The following PCDHGB4 variants were observed in gnomAD, a reference collection of about 807,000 sequenced individuals.
PCDHGB4 encodes the protein protocadherin gamma subfamily B, 4, also known as protocadherin gamma-B4.
In PCDHGB4, 38 loss-of-function variants were observed where a neutral mutation model predicts 60.5. That is an observed-to-expected ratio of 0.63 (90% CI 0.48 to 0.82). The LOEUF is 0.82. PCDHGB4 is among the 40% of genes least tolerant of loss of function. The probability of loss-of-function intolerance (pLI) is 0.00; values close to 1 mark genes in which losing one functional copy is unlikely to be tolerated. For synonymous variants in PCDHGB4, 456 were observed against 509.7 expected (o/e 0.89, Z 1.42); for missense variants, 1,109 against 1,209.6 (o/e 0.92, Z 1.23).
At chr5:141,427,422 G>C (rs922637577) in intron 1 of PCDHGB4, 1 of 468,292 alleles carries the variant, frequency 2.1e-6, no homozygotes, top group Non-Finnish European at 4.3e-6. Context: ...AAATGGGGAG[G>C]TTACATGCCT....
At chr5:141,414,239 C>T in intron 1 of PCDHGB4, 1 of 1,613,498 alleles carries the variant, frequency 6.2e-7, no homozygotes, top group Non-Finnish European at 8.5e-7. Context: ...ACCATCACGT[C>T]TCTATTTAGT....
rs1354510383 is a variant in PCDHGB4, at chr5:141,432,312, G to A, written c.2397+42031G>A. The A allele has an allele frequency of 5.6e-6, 9 of 1,614,132 alleles. No homozygotes were observed. The highest frequency in any genetic ancestry group is 7.6e-6 in the Non-Finnish European group (9 of 1,180,054). On this transcript the variant is annotated intron_variant, in intron 1 of 3. Transcript: ENST00000519479. The surrounding 1 kb of genome is among the most constrained non-coding windows in gnomAD (Gnocchi z 6.0). Reference sequence around the variant, plus strand: ...GACACTGGGGTACTGTATGCGCTGAGCTCCTTCGACTACGAGCAGTTCCGA... The same window carrying A: ...GACACTGGGGTACTGTATGCGCTGAACTCCTTCGACTACGAGCAGTTCCGA...
chr5:141,415,686 G>T, intron 1 of PCDHGB4: 2 of 1,535,424 alleles, frequency 1.3e-6, no homozygotes, highest in Middle Eastern at 1.7e-4. Flanking sequence ...GCGGCATGAT[G>T]GTGGAAAGTG....
chr5:141,423,562 A>C (rs374427537), intron 1 of PCDHGB4: 1 of 1,613,612 alleles, frequency 6.2e-7, no homozygotes, highest in African/African-American at 1.3e-5. Context: ...CTATGGGGAC[A>C]CGCTCATCAG....
intron 1 of PCDHGB4, chr5:141,479,691 C>T (rs2099503603): frequency 6.6e-6 from 1 of 152,206 alleles, no homozygotes; most frequent in Non-Finnish European, 1.5e-5. Context: ...TTTGGTGCCT[C>T]CAGTGTTAGT....
At chr5:141,498,581 C>A (rs1281809549) in intron 2 of PCDHGB4, among the ~76,000 whole-genome samples, 1 of 152,104 alleles carries the variant, frequency 6.6e-6, no homozygotes, top group East Asian at 1.9e-4. Flanking sequence ...GTATTGAGTT[C>A]TTCAGTAAAC....
At position 141,455,301 on chromosome 5, in the gene PCDHGB4, T is replaced by G. The variant is rs192443408; in HGVS notation, c.2398-39506T>G. Among the ~76,000 whole-genome samples, 191 of 152,308 alleles carry G rather than the reference T, an allele frequency of 1.3e-3. 1 individual carries two copies. Among genetic ancestry groups the G allele is most frequent in the African/African-American group, 4.4e-3 (181 of 41,566 alleles). On this transcript the variant is annotated intron_variant, in intron 1 of 3. Transcript: ENST00000519479. ...AACATCACTTTACATAGTTTCATCT[T>G]GCATTAGCAATTTTGTGTGTGTGTT...
Position 141,489,368 on chromosome 5 carries a change from C to T in PCDHGB4, c.2398-5439C>T, listed in dbSNP as rs889945954. The T allele has an allele frequency of 1.2e-5, 20 of 1,613,264 alleles. No homozygotes were observed. The highest frequency in any genetic ancestry group is 1.6e-5 in the Non-Finnish European group (19 of 1,179,484). On this transcript the variant is annotated intron_variant, in intron 1 of 3. Transcript: ENST00000519479. The surrounding 1 kb of genome is among the most constrained non-coding windows in gnomAD (Gnocchi z 4.5). The stretch of plus-strand genomic sequence containing the variant: ...GTGGTGGAGGAGTCTGAGCCGGGGA[C>T]GCTGGTGGGGAATGTTGCTCAGGAT...
At chr5:141,455,920 C>A (rs941360102) in intron 1 of PCDHGB4, among the ~76,000 whole-genome samples, 1 of 147,944 alleles carries the variant, frequency 6.8e-6, no homozygotes, top group Non-Finnish European at 1.5e-5. Flanking sequence ...TATTTTGAGA[C>A]GGAGTCTCGC....
In PCDHGB4 at chr5:141,389,006, C is replaced by T. The variant is rs1238735616; in HGVS notation, c.1122C>T (p.Ser374=). The change falls in exon 1 of 4, where the codon TCC becomes TCT. Residue 374 remains serine, a synonymous_variant. Coordinates refer to ENST00000519479, the MANE Select transcript of PCDHGB4 (RefSeq NM_003736.4). The part of the protein sequence containing the change: ...IALLKVRDKD[S]RHNGEVTCKL... ...TGCTCAAAGTCCGTGACAAGGATTC[C>T]AGACACAATGGAGAAGTGACTTGTA... 2 of 1,613,868 alleles carry T rather than the reference C, an allele frequency of 1.2e-6. No homozygotes were observed.
Position 141,489,992 on chromosome 5 carries a change from TC to T in PCDHGB4, c.2398-4812del. The T allele has an allele frequency of 6.2e-7, 1 of 1,614,216 alleles. No individual in the cohort carries two copies. The highest frequency in any genetic ancestry group is 8.5e-7 in the Non-Finnish European group (1 of 1,180,016). On this transcript the variant is annotated intron_variant, in intron 1 of 3. Coordinates refer to ENST00000519479, the MANE Select transcript of PCDHGB4 (RefSeq NM_003736.4). The surrounding 1 kb of genome is among the most constrained non-coding windows in gnomAD (Gnocchi z 4.5). The stretch of plus-strand genomic sequence containing the variant: ...CAATCCTCAGTTCTACGTGTGGGAA[TC>T]CCAGAGAATGCACCCATTGGTACTC...
chr5:141,475,984 G>A, intron 1 of PCDHGB4: 2 of 1,069,308 alleles, frequency 1.9e-6, no homozygotes, highest in Non-Finnish European at 2.7e-6. Flanking sequence ...AACAGCCGGC[G>A]AGCAAATCAA....
At chr5:141,488,913 A>G (rs887938731) in intron 1 of PCDHGB4, among the ~76,000 whole-genome samples, 4 of 152,196 alleles carry the variant, frequency 2.6e-5, no homozygotes, top group African/African-American at 7.2e-5. Flanking sequence ...TGTGTTCCCA[A>G]GGTTTCCAGG....
intron 1 of PCDHGB4, among the ~76,000 whole-genome samples, chr5:141,401,837 A>G (rs1302723544): frequency 6.6e-6 from 1 of 152,198 alleles, no homozygotes; most frequent in Non-Finnish European, 1.5e-5. Context: ...ATTTCTTATA[A>G]TACCACTTAC....
intron 1 of PCDHGB4, among the ~76,000 whole-genome samples, chr5:141,483,007 C>T (rs938404755): frequency 1.3e-5 from 2 of 152,022 alleles, no homozygotes; most frequent in Non-Finnish European, 2.9e-5. Flanking sequence ...ATTGCTTGAA[C>T]CCGGGAGGCA....
In PCDHGB4 at chr5:141,486,157, A is replaced by C. The variant is rs1562110580; in HGVS notation, c.2398-8650A>C. On this transcript the variant is annotated intron_variant, in intron 1 of 3. Transcript: ENST00000519479. This position sits in a 1 kb window ranked among gnomAD's most constrained non-coding sequence, Gnocchi z 5.0. ...TGCGGGCTCGCGATGGGGGTTCTCC[A>C]GCCATGGAGCAACATTGCAGCCTTC... 10 of 1,614,208 alleles carry C rather than the reference A, an allele frequency of 6.2e-6. No individual in the cohort carries two copies. The highest frequency in any genetic ancestry group is 8.5e-6 in the Non-Finnish European group (10 of 1,180,028).
At chr5:141,421,300 C>A (rs377161386) in intron 1 of PCDHGB4, 2 of 1,613,320 alleles carry the variant, frequency 1.2e-6, no homozygotes, top group African/African-American at 1.3e-5. Context: ...GGGGACGCTG[C>A]GGGGGTTCCG....
chr5:141,456,678 T>C (rs2098875796), intron 1 of PCDHGB4, among the ~76,000 whole-genome samples: 1 of 152,152 alleles, frequency 6.6e-6, no homozygotes, highest in South Asian at 2.1e-4. Flanking sequence ...TAAAAATGCA[T>C]TACTGGCCAG....
chr5:141,443,561 C>T (rs1487096752), intron 1 of PCDHGB4, among the ~76,000 whole-genome samples: 3 of 152,118 alleles, frequency 2.0e-5, no homozygotes, highest in Non-Finnish European at 1.5e-5. Context: ...AATTCAAATG[C>T]TTTAAATGGA....
Sources: allele counts gnomAD v4.1 joint callset (sites outside exome capture counted in the v4.1 genomes callset), GRCh38; gene constraint gnomAD v4.1.1; non-coding constraint Gnocchi (gnomAD v3.1); transcripts MANE v1.5; gene names NCBI Gene and HGNC (gene_info 2026-07-23, HGNC 2026-07-21).